Variants in CHD6 observed in about 807,000 individuals in gnomAD.
CHD6 encodes the protein ATP-dependent chromatin remodeler CHD6.
In CHD6, 50 loss-of-function variants were observed where a neutral mutation model predicts 276.9. That is an observed-to-expected ratio of 0.18 (90% CI 0.14 to 0.23). CHD6 has a LOEUF of 0.23. Ranked by LOEUF, CHD6 falls within the 10% of genes least tolerant of loss-of-function variation. The probability of loss-of-function intolerance (pLI) is 1.00; values close to 1 mark genes in which losing one functional copy is unlikely to be tolerated. For synonymous variants in CHD6, 1,173 were observed against 1,229.3 expected (o/e 0.95, Z 0.96); for missense variants, 2,564 against 3,365.8 (o/e 0.76, Z 5.89).
chr20:41,439,031 G>C (rs1279690836), intron 26 of CHD6, among the ~76,000 whole-genome samples: 1 of 152,112 alleles, frequency 6.6e-6, no homozygotes, highest in Non-Finnish European at 1.5e-5. Flanking sequence ...GCTACTTTTG[G>C]GGAGAAACTA....
chr20:41,564,118 T>C (rs943912074), intron 1 of CHD6: 2 of 775,532 alleles, frequency 2.6e-6, no homozygotes, highest in East Asian at 2.4e-5. Flanking sequence ...ACAGAACTGG[T>C]ACAAAAGCCA....
At position 41,489,951 on chromosome 20, in the gene CHD6, T is replaced by G. The variant is rs372311139; in HGVS notation, c.1507A>C (p.Ile503Leu). 15 of 1,614,036 alleles carry G rather than the reference T, an allele frequency of 9.3e-6. No homozygotes were observed. The African/African-American group carries it at 1.6e-4, about 17-fold the overall frequency. ...GGGCCGTGGATTCCTCTCAGAAATA[T>G]TTCTGAAAGGAATGTGATGGACTGG... Reference protein sequence around the residue: ...TIQSITFLSEIFLRGIHGPFL... With the variant: ...TIQSITFLSELFLRGIHGPFL... The change falls in exon 12 of 37, where the codon ATA becomes CTA. Residue 503 changes from isoleucine (I) to leucine (L), a missense_variant. By Grantham distance (5) the Ile-to-Leu change is conservative. Coordinates refer to ENST00000373233, the MANE Select transcript of CHD6 (RefSeq NM_032221.5).
chr20:41,530,824 T>C (rs2044666506), intron 3 of CHD6, among the ~76,000 whole-genome samples: 1 of 152,222 alleles, frequency 6.6e-6, no homozygotes, highest in East Asian at 1.9e-4. Flanking sequence ...TGATCACTTC[T>C]GTCAGCCTCC....
Position 41,415,540 on chromosome 20 carries a change from C to T in CHD6, c.6585G>A (p.Glu2195=). ...VERDAKARGL[E]QFSATHGHTP... is the part of the protein sequence containing the mutation. Reference sequence around the variant, plus strand: ...TGTGCCCGTGGGTGGCAGAGAACTGCTCCAGGCCCCGAGCCTTTGCATCCC... The same window carrying T: ...TGTGCCCGTGGGTGGCAGAGAACTGTTCCAGGCCCCGAGCCTTTGCATCCC... Residue 2195 remains glutamate (E), a synonymous_variant, in exon 34 of 37, where the codon GAG becomes GAA. Transcript: ENST00000373233. 1 of 1,614,180 alleles carries T rather than the reference C, an allele frequency of 6.2e-7. No homozygotes were observed. The highest frequency in any genetic ancestry group is 1.1e-5 in the South Asian group (1 of 91,080).
rs544233102 is a variant in CHD6, at chr20:41,402,519, A to C, written c.*2074T>G. Reference sequence around the variant, plus strand: ...AGCTTTTCCATACAAAACAACAACAACACAACGACAACAAAGAAAACCAGA... The same window carrying C: ...AGCTTTTCCATACAAAACAACAACACCACAACGACAACAAAGAAAACCAGA... On this transcript the variant is annotated 3_prime_UTR_variant, in exon 37 of 37. Coordinates refer to ENST00000373233, the MANE Select transcript of CHD6 (RefSeq NM_032221.5). The C allele has an allele frequency of 3.0e-5, 7 of 230,786 alleles. No individual in the cohort carries two copies. The highest frequency in any genetic ancestry group is 1.3e-4 in the African/African-American group (6 of 45,212). 14.3% of individuals were successfully genotyped at this position (230,786 alleles called of 1,614,324 possible). A position where few individuals can be genotyped will look rare whatever the true frequency, so the allele number is the denominator to read the frequency against.
intron 27 of CHD6, among the ~76,000 whole-genome samples, chr20:41,431,514 T>C (rs1202863784): frequency 6.6e-6 from 1 of 152,156 alleles, no homozygotes. Flanking sequence ...TTCTCTCTAT[T>C]ACTCAATGCT....
chr20:41,431,776 C>CTTTTTTTTTTTTTTTTTTTTT (rs61227802), intron 27 of CHD6, among the ~76,000 whole-genome samples: 8 of 104,766 alleles, frequency 7.6e-5, no homozygotes, highest in Non-Finnish European at 9.8e-5. Flanking sequence ...AAAAAACATG[C>CTTTTTTTTTTTTTTTTTTTTT]TTTTTTTTTT....
chr20:41,437,757 G>A (rs556374172), intron 26 of CHD6, among the ~76,000 whole-genome samples: 1 of 152,172 alleles, frequency 6.6e-6, no homozygotes. Flanking sequence ...CTGGATCTGA[G>A]AGTTCTGCAT....
At chr20:41,499,827 G>A (rs1381629364) in intron 5 of CHD6, among the ~76,000 whole-genome samples, 1 of 152,018 alleles carries the variant, frequency 6.6e-6, no homozygotes, top group Non-Finnish European at 1.5e-5. Flanking sequence ...CTGAATTAGT[G>A]GGAAGATAAA....
chr20:41,592,014 G>A (rs1390227705), intron 1 of CHD6, among the ~76,000 whole-genome samples: 1 of 151,762 alleles, frequency 6.6e-6, no homozygotes, highest in African/African-American at 2.4e-5. Context: ...CAAGAGAATG[G>A]CGTGAACCCA....
Position 41,420,939 on chromosome 20 carries a change from T to G in CHD6, c.5696A>C (p.Asn1899Thr). ...GCCTTGGTTCTTTTCCCTTGAGATG[T>G]TAGTAGTGGGCTCCGTGAGATGCAA... ...EVLHLTEPTT[N>T]ISREKNQGFQ... The change falls in exon 31 of 37, where the codon AAC becomes ACC. Residue 1899 changes from asparagine to threonine, a missense_variant. Physicochemically the swap from Asn to Thr is moderately conservative, Grantham distance 65. Transcript: ENST00000373233. 6.2e-6 allele frequency: 10 copies of G among 1,614,172 alleles called. No individual in the cohort carries two copies. Among genetic ancestry groups the G allele is most frequent in the Non-Finnish European group, 8.5e-6 (10 of 1,180,024 alleles).
chr20:41,589,738 A>C (rs1266304233), intron 1 of CHD6, among the ~76,000 whole-genome samples: 1 of 152,240 alleles, frequency 6.6e-6, no homozygotes, highest in Non-Finnish European at 1.5e-5. Flanking sequence ...CAAATGGAAG[A>C]ACATTCCATG....
chr20:41,479,306 A>G (rs2043240314), intron 16 of CHD6, among the ~76,000 whole-genome samples: 1 of 152,226 alleles, frequency 6.6e-6, no homozygotes, highest in South Asian at 2.1e-4. Context: ...AATTTGATGA[A>G]AGACATACAT....
chr20:41,465,041 T>C (rs555196326), intron 17 of CHD6, among the ~76,000 whole-genome samples: 9 of 152,150 alleles, frequency 5.9e-5, no homozygotes, highest in Non-Finnish European at 1.2e-4. Context: ...TTCGTTATAA[T>C]AGAATTCTTA....
chr20:41,446,397 C>A (rs1020311918), intron 24 of CHD6, among the ~76,000 whole-genome samples: 2 of 151,816 alleles, frequency 1.3e-5, no homozygotes, highest in African/African-American at 4.9e-5. Flanking sequence ...ACATAACTCA[C>A]CCCAGGGCAC....
At chr20:41,470,442 C>T (rs1268713301) in intron 17 of CHD6, among the ~76,000 whole-genome samples, 1 of 152,100 alleles carries the variant, frequency 6.6e-6, no homozygotes, top group East Asian at 1.9e-4. Flanking sequence ...TTACGAACTC[C>T]CACCCTGCAT....
intron 31 of CHD6, 50 bp downstream of exon 31, chr20:41,420,458 C>A (rs139876534): frequency 4.5e-6 from 7 of 1,541,254 alleles, no homozygotes; most frequent in Non-Finnish European, 4.3e-6. Flanking sequence ...AACCCCCCGT[C>A]GTGTGTGAAC....
chr20:41,551,915 A>AT (rs977234746), intron 1 of CHD6, among the ~76,000 whole-genome samples: 16 of 152,152 alleles, frequency 1.1e-4, no homozygotes, highest in Middle Eastern at 3.4e-3. Flanking sequence ...ATTTCATACG[A>AT]TTTTTTTTAA....
chr20:41,588,783 T>C (rs1188911028), intron 1 of CHD6, among the ~76,000 whole-genome samples: 1 of 152,134 alleles, frequency 6.6e-6, no homozygotes, highest in Non-Finnish European at 1.5e-5. Flanking sequence ...TCTAATGCAA[T>C]GTCATCTAAG....
Sources: allele counts gnomAD v4.1 joint callset (sites outside exome capture counted in the v4.1 genomes callset), GRCh38; gene constraint gnomAD v4.1.1; transcripts MANE v1.5; gene names NCBI Gene and HGNC (gene_info 2026-07-23, HGNC 2026-07-21).